The following VANGL1 variants were observed in gnomAD, a reference collection of about 807,000 sequenced individuals.
VANGL1 encodes vang-like protein 1.
A neutral mutation model predicts 48.4 loss-of-function variants in VANGL1; 18 were observed. The observed-to-expected ratio is 0.37, with a 90% CI of 0.26 to 0.55. The LOEUF (loss-of-function observed/expected upper bound fraction) is 0.55, where lower values mean the gene tolerates loss of function less well. Ranked by LOEUF, VANGL1 falls within the 20% of genes least tolerant of loss-of-function variation. The pLI is 0.81. For synonymous variants in VANGL1, 257 were observed against 261.8 expected (o/e 0.98, Z 0.18); for missense variants, 667 against 675.8 (o/e 0.99, Z 0.14).
At chr1:115,662,036 AC>A (rs1570748446) in intron 3 of VANGL1, among the ~76,000 whole-genome samples, 2 of 152,354 alleles carry the variant, frequency 1.3e-5, no homozygotes, top group East Asian at 3.9e-4. Flanking sequence ...GAGGCACTGT[AC>A]CACGGTCCAC....
At chr1:115,656,788 G>A (rs949660556) in intron 2 of VANGL1, among the ~76,000 whole-genome samples, 1 of 152,214 alleles carries the variant, frequency 6.6e-6, no homozygotes, top group East Asian at 1.9e-4. Flanking sequence ...CTCCCCACCT[G>A]CTTTCTGCCC....
chr1:115,650,817 C>T (rs1052395149), intron 1 of VANGL1, among the ~76,000 whole-genome samples: 6 of 151,090 alleles, frequency 4.0e-5, no homozygotes, highest in Non-Finnish European at 7.4e-5. Context: ...AAATTCGGAT[C>T]CTAGATCAAA....
At chr1:115,679,445 G>A (rs1396072270) in intron 4 of VANGL1, among the ~76,000 whole-genome samples, 1 of 152,238 alleles carries the variant, frequency 6.6e-6, no homozygotes, top group Non-Finnish European at 1.5e-5. Flanking sequence ...TGTCAGGTGG[G>A]CTGTGGACTT....
rs951635362 is a variant in VANGL1, at chr1:115,693,881, A to G, written c.*2502A>G. 2.0e-5 allele frequency: 3 copies of G among 152,244 alleles called. No individual in the cohort carries two copies. Among genetic ancestry groups the G allele is most frequent in the African/African-American group, 4.8e-5 (2 of 41,460 alleles). The allele number at this position is 152,244 out of a possible 1,614,324, so 9.4% of individuals were successfully genotyped here. The stretch of plus-strand genomic sequence containing the variant: ...GGGTAAACTTCGCCCTAAGGCTGGT[A>G]GAATGTATGTTCACATTATAGTAGA... On this transcript the variant is annotated 3_prime_UTR_variant, in exon 8 of 8. Coordinates refer to ENST00000355485, the MANE Select transcript of VANGL1 (RefSeq NM_138959.3).
rs750294518 is a variant in VANGL1, at chr1:115,651,422, C to G, written c.9C>G (p.Thr3=). Residue 3 remains threonine (T), a synonymous_variant, in exon 2 of 8, where the codon ACC becomes ACG. Coordinates refer to ENST00000355485, the MANE Select transcript of VANGL1 (RefSeq NM_138959.3). ...GCAAGCCCTCCATTGCTATGGATAC[C>G]GAATCCACTTATTCTGGATATTCTT... MD[T]ESTYSGYSYY... is the part of the protein sequence containing the mutation. 1 of 1,613,778 alleles carries G rather than the reference C, an allele frequency of 6.2e-7. No individual in the cohort carries two copies. Among genetic ancestry groups the G allele is most frequent in the East Asian group, 2.2e-5 (1 of 44,890 alleles).
At chr1:115,646,960 T>C (rs1225697163) in intron 1 of VANGL1, among the ~76,000 whole-genome samples, 1 of 152,186 alleles carries the variant, frequency 6.6e-6, no homozygotes, top group African/African-American at 2.4e-5. Flanking sequence ...CCAACAGATA[T>C]ACTGGGCTCT....
chr1:115,659,523 G>C (rs909414190), intron 2 of VANGL1, 118 bp from the exon 3 acceptor site: 1 of 1,249,338 alleles, frequency 8.0e-7, no homozygotes, highest in Non-Finnish European at 1.2e-6. Flanking sequence ...GTGTGTGTGT[G>C]TGTGTGTGTG....
chr1:115,659,792 C>T lies in VANGL1; in HGVS notation c.204+19C>T. ...AGTTCAGGTAAGGATCAAAGGTGGTCTGTAAGCACACTGCCACTTGGCCAA... is the reference window on the plus strand; with the variant it reads ...AGTTCAGGTAAGGATCAAAGGTGGTTTGTAAGCACACTGCCACTTGGCCAA... On this transcript the variant is annotated intron_variant, in intron 3 of 7. Transcript: ENST00000355485. The T allele has an allele frequency of 6.2e-7, 1 of 1,614,104 alleles. No individual in the cohort carries two copies. The highest frequency in any genetic ancestry group is 8.5e-7 in the Non-Finnish European group (1 of 1,180,012).
chr1:115,643,243 C>T (rs1176946663), intron 1 of VANGL1, among the ~76,000 whole-genome samples: 2 of 152,194 alleles, frequency 1.3e-5, no homozygotes, highest in Non-Finnish European at 2.9e-5. Context: ...TTTTACGGGG[C>T]TGCTGAAAAA....
chr1:115,690,034 T>C (rs1368857841), intron 7 of VANGL1, among the ~76,000 whole-genome samples: 1 of 139,310 alleles, frequency 7.2e-6, no homozygotes, highest in African/African-American at 2.7e-5. Context: ...TATTACTGGC[T>C]CATTTCATTC....
At chr1:115,678,964 A>AG (rs1337457047) in intron 4 of VANGL1, among the ~76,000 whole-genome samples, 4 of 151,976 alleles carry the variant, frequency 2.6e-5, no homozygotes, top group Non-Finnish European at 1.5e-5. Context: ...AAAAAAAAAA[A>AG]AAGAAGAAAG....
chr1:115,691,945 T>C lies in VANGL1; in HGVS notation c.*566T>C, dbSNP rs1035411134. The C allele has an allele frequency of 1.3e-5, 2 of 153,666 alleles. No individual in the cohort carries two copies. Among genetic ancestry groups the C allele is most frequent in the Non-Finnish European group, 2.9e-5 (2 of 68,758 alleles). The allele number at this position is 153,666 out of a possible 1,614,324, so 9.5% of individuals were successfully genotyped here. ...AGATCACAACAAAAAATGTACACTG[T>C]CGTTTACAGCTATTAAGTGATTTGA... is the stretch of plus-strand genomic sequence containing the variant. On this transcript the variant is annotated 3_prime_UTR_variant, in exon 8 of 8. Coordinates refer to ENST00000355485, the MANE Select transcript of VANGL1 (RefSeq NM_138959.3).
In VANGL1 at chr1:115,685,531, C is replaced by T. The variant is rs79771893; in HGVS notation, c.1314+4C>T. On this transcript the variant is annotated splice_donor_region_variant and intron_variant, in intron 7 of 7. Transcript: ENST00000355485. ...CACCAACGGCATGACCCCCAAGGTG[C>T]GCTGCTCCGGGCGGGCTCTGCCACC... 258 of 1,613,712 alleles carry T rather than the reference C, an allele frequency of 1.6e-4. 1 individual carries two copies. The highest frequency in any genetic ancestry group is 8.3e-4 in the Middle Eastern group (5 of 6,060).
At chr1:115,676,406 C>G (rs143780005) in intron 4 of VANGL1, among the ~76,000 whole-genome samples, 1 of 152,292 alleles carries the variant, frequency 6.6e-6, no homozygotes, top group Non-Finnish European at 1.5e-5. Flanking sequence ...CATGGCAGTA[C>G]CCTCATGGTG....
intron 2 of VANGL1, among the ~76,000 whole-genome samples, chr1:115,652,217 G>A (rs1652179492): frequency 6.6e-6 from 1 of 152,126 alleles, no homozygotes; most frequent in Admixed American, 6.5e-5. Context: ...GAACAAGTTT[G>A]GGTTTTGAAA....
rs1411901321 is a variant in VANGL1, at chr1:115,693,055, A to G, written c.*1676A>G. 2.0e-5 allele frequency: 3 copies of G among 152,284 alleles called. No individual in the cohort carries two copies. Among genetic ancestry groups the G allele is most frequent in the Non-Finnish European group, 2.9e-5 (2 of 68,040 alleles). The allele number at this position is 152,284 out of a possible 1,614,324, so 9.4% of individuals were successfully genotyped here. Reference sequence around the variant, plus strand: ...ACCTGTACCTGAAAAAGTAAACAACATTCTTCAATTACTAGCCTTCAGCTT... The same window carrying G: ...ACCTGTACCTGAAAAAGTAAACAACGTTCTTCAATTACTAGCCTTCAGCTT... On this transcript the variant is annotated 3_prime_UTR_variant, in exon 8 of 8. Coordinates refer to ENST00000355485, the MANE Select transcript of VANGL1 (RefSeq NM_138959.3).
chr1:115,691,596 C>G lies in VANGL1; in HGVS notation c.*217C>G. ...GTGACTGATGACATCTGACTTTTGT[C>G]GATGGGACTTCTCAAGAAGCCATTC... On this transcript the variant is annotated 3_prime_UTR_variant, in exon 8 of 8. Coordinates refer to ENST00000355485, the MANE Select transcript of VANGL1 (RefSeq NM_138959.3). 5 of 522,534 alleles carry G rather than the reference C, an allele frequency of 9.6e-6. No homozygotes were observed. The highest frequency in any genetic ancestry group is 3.2e-6 in the Non-Finnish European group (1 of 309,106). 32.4% of individuals were successfully genotyped at this position (522,534 alleles called of 1,614,324 possible). A position where few individuals can be genotyped will look rare whatever the true frequency, so the allele number is the denominator to read the frequency against.
chr1:115,667,419 A>G, intron 4 of VANGL1, among the ~76,000 whole-genome samples: 1 of 152,208 alleles, frequency 6.6e-6, no homozygotes, highest in Non-Finnish European at 1.5e-5. Flanking sequence ...AGATTGAGAT[A>G]CTTCCTAACC....
At chr1:115,670,156 G>A (rs909637202) in intron 4 of VANGL1, among the ~76,000 whole-genome samples, 2 of 152,190 alleles carry the variant, frequency 1.3e-5, no homozygotes, top group Admixed American at 6.5e-5. Flanking sequence ...CAGAAAGAAG[G>A]TGGCCATCTG....
Sources: gnomAD v4.1 joint callset for allele counts (sites outside exome capture counted in the v4.1 genomes callset) on GRCh38, gnomAD v4.1.1 for gene constraint, MANE v1.5 for transcripts, NCBI Gene and HGNC (gene_info 2026-07-23, HGNC 2026-07-21) for gene names.